ITIH5: variants seen among roughly 807,000 people sequenced by gnomAD.
ITIH5 encodes inter-alpha-trypsin inhibitor heavy chain H5.
Under a neutral mutation model 77.5 loss-of-function variants are expected in ITIH5, and 65 were observed. That is an observed-to-expected ratio of 0.84 (90% confidence interval 0.69 to 1.03). ITIH5 has a LOEUF of 1.03. Ranked by LOEUF, ITIH5 falls within the 50% of genes least tolerant of loss-of-function variation. The pLI, the probability that ITIH5 is intolerant of heterozygous loss-of-function variation, is 0.00. For synonymous variants in ITIH5, 525 were observed against 494.3 expected, an observed-to-expected ratio of 1.06 and a Z score of -0.82; for missense variants, 1,208 against 1,213.1, an observed-to-expected ratio of 1.00 and a Z score of 0.06.
rs1194921887 is a variant in ITIH5, at chr10:7,559,291, T to G, written c.*3792A>C. ...GCAGTGCAGTTAGATTCTTCAAGTT[T>G]TATTCTCAACAGCTCCAATTCCATT... On this transcript the variant is annotated 3_prime_UTR_variant, in exon 14 of 14. Transcript: ENST00000397146. 1 of 152,322 alleles carries G rather than the reference T, an allele frequency of 6.6e-6. No individual in the cohort carries two copies. Among genetic ancestry groups the G allele is most frequent in the Non-Finnish European group, 1.5e-5 (1 of 68,110 alleles). The allele number at this position is 152,322 out of a possible 1,614,324, so 9.4% of individuals were successfully genotyped here.
intron 5 of ITIH5, among the ~76,000 whole-genome samples, chr10:7,634,472 C>T (rs149800829): frequency 5.9e-5 from 9 of 152,222 alleles, no homozygotes; most frequent in African/African-American, 2.2e-4. Flanking sequence ...ATGTTCTGGA[C>T]GGCAAAGTAT....
intron 7 of ITIH5, among the ~76,000 whole-genome samples, chr10:7,592,159 A>C (rs1466695017): frequency 6.6e-6 from 1 of 152,206 alleles, no homozygotes; most frequent in East Asian, 1.9e-4. Flanking sequence ...GTGAGCCACC[A>C]TGCCCAGACA....
At chr10:7,639,385 G>C (rs1453812663) in intron 4 of ITIH5, among the ~76,000 whole-genome samples, 1 of 152,190 alleles carries the variant, frequency 6.6e-6, no homozygotes, top group African/African-American at 2.4e-5. Context: ...GATAAACGTG[G>C]AATTTTGTGC....
At chr10:7,618,481 G>A (rs1483697120) in intron 5 of ITIH5, 1 of 152,044 alleles carries the variant, frequency 6.6e-6, no homozygotes. Context: ...AACTACTCAC[G>A]TTTATAAACC....
intron 11 of ITIH5, chr10:7,571,816 G>C (rs1331714740): frequency 4.5e-6 from 1 of 222,512 alleles, no homozygotes; most frequent in Non-Finnish European, 7.5e-6. Context: ...AAGGAACAAA[G>C]ACAAGAAAAA....
intron 2 of ITIH5, among the ~76,000 whole-genome samples, chr10:7,651,171 A>G (rs552662907): frequency 1.1e-3 from 168 of 148,078 alleles, no homozygotes; most frequent in Non-Finnish European, 1.8e-3. Flanking sequence ...TCCTGGAAAG[A>G]CCGTCCCTCC....
intron 8 of ITIH5, among the ~76,000 whole-genome samples, chr10:7,581,744 T>C (rs866822710): frequency 8.0e-5 from 10 of 125,538 alleles, no homozygotes; most frequent in Admixed American, 7.3e-4. Context: ...TTTTTTTTTT[T>C]AGAGACAGGG....
chr10:7,637,233 C>T lies in ITIH5; in HGVS notation c.647G>A (p.Gly216Glu). ...ACCCAGCACGCAGGACTCACCTTCCCCGCGCCCACTGCCCCTCTGCCTGCT... is the reference window on the plus strand; with the variant it reads ...ACCCAGCACGCAGGACTCACCTTCCTCGCGCCCACTGCCCCTCTGCCTGCT... ...HNSRQRGSGR[G>E]EDDSGPPPST... is the part of the protein sequence containing the mutation. Residue 216 changes from glycine (G) to glutamate (E), a missense_variant, in exon 5 of 14, where the codon GGG becomes GAG. By Grantham distance (98) the Gly-to-Glu change is moderately conservative. Coordinates refer to ENST00000397146, the MANE Select transcript of ITIH5 (RefSeq NM_030569.7). 1.9e-6 allele frequency: 3 copies of T among 1,607,004 alleles called. No individual in the cohort carries two copies. The highest frequency in any genetic ancestry group is 2.5e-6 in the Non-Finnish European group (3 of 1,179,778).
chr10:7,611,701 A>G (rs1399278557), intron 7 of ITIH5, among the ~76,000 whole-genome samples: 3 of 152,154 alleles, frequency 2.0e-5, no homozygotes, highest in Non-Finnish European at 4.4e-5. Flanking sequence ...AGTTCTTTAC[A>G]TATTAATGAT....
chr10:7,617,285 G>A lies in ITIH5; in HGVS notation c.653-3C>T, dbSNP rs1357893102. The A allele has an allele frequency of 2.0e-6, 3 of 1,519,548 alleles. No homozygotes were observed. The highest frequency in any genetic ancestry group is 2.2e-5 in the Admixed American group (1 of 44,554). The allele number at this position is 1,519,548 out of a possible 1,614,324, so 94.1% of individuals were successfully genotyped here. On this transcript the variant is annotated splice_polypyrimidine_tract_variant and splice_region_variant and intron_variant, in intron 5 of 13. Transcript: ENST00000397146. Reference sequence around the variant, plus strand: ...AGATGGGGGAGGCCCAGAATCATCTGCAAACAAGATAGAAACATAATTAAT... The same window carrying A: ...AGATGGGGGAGGCCCAGAATCATCTACAAACAAGATAGAAACATAATTAAT...
intron 2 of ITIH5, among the ~76,000 whole-genome samples, chr10:7,650,035 T>C (rs1481469166): frequency 6.6e-6 from 1 of 152,222 alleles, no homozygotes; most frequent in Non-Finnish European, 1.5e-5. Context: ...TATTTTTTCC[T>C]ACAAAGGCAA....
intron 13 of ITIH5, among the ~76,000 whole-genome samples, chr10:7,564,080 C>G (rs1256503876): frequency 2.6e-5 from 4 of 152,222 alleles, no homozygotes; most frequent in African/African-American, 9.6e-5. Flanking sequence ...CGTGGGTGCC[C>G]CCCCGGTGGG....
rs1183933551 is a variant in ITIH5, at chr10:7,566,316, G to A, written c.2241C>T (p.Leu747=). 22 of 1,613,866 alleles carry A rather than the reference G, an allele frequency of 1.4e-5. No individual in the cohort carries two copies. The highest frequency in any genetic ancestry group is 1.7e-5 in the Non-Finnish European group (20 of 1,179,964). Reference sequence around the variant, plus strand: ...GATAAGATCTCTCTGGCTTGTTGATGAGGATGGTGATAGTGCGCAAGTAAG... The same window carrying A: ...GATAAGATCTCTCTGGCTTGTTGATAAGGATGGTGATAGTGCGCAAGTAAG... ...QRTYLRTITI[L]INKPERSYLE... The change falls in exon 13 of 14, where the codon CTC becomes CTT. Residue 747 remains leucine (L), a synonymous_variant. Transcript: ENST00000397146.
intron 1 of ITIH5, among the ~76,000 whole-genome samples, chr10:7,657,061 T>G (rs1415409512): frequency 2.4e-5 from 3 of 126,554 alleles, no homozygotes; most frequent in African/African-American, 8.8e-5. Flanking sequence ...TTTTTTTTTT[T>G]TTAGACGGAG....
intron 4 of ITIH5, 106 bp downstream of exon 4, chr10:7,640,648 A>G: frequency 1.4e-6 from 1 of 689,708 alleles, no homozygotes; most frequent in South Asian, 1.8e-5. Context: ...AAGAAAGAGA[A>G]AAGTATTTGG....
At position 7,566,367 on chromosome 10, in the gene ITIH5, A is replaced by C. The variant is rs1487870329; in HGVS notation, c.2190T>G (p.Pro730=). ...TGCGCTGTTTCTTGTGGCCATTTGG[A>C]GGGGCGGGTGCCCCAATTAACTCTC... ...VNGELIGAPA[P]PNGHKKQRTY... is the part of the protein sequence containing the mutation. The change falls in exon 13 of 14, where the codon CCT becomes CCG. Residue 730 remains proline (P), a synonymous_variant. Coordinates refer to ENST00000397146, the MANE Select transcript of ITIH5 (RefSeq NM_030569.7). The C allele has an allele frequency of 6.2e-7, 1 of 1,603,118 alleles. No homozygotes were observed. The highest frequency in any genetic ancestry group is 1.1e-5 in the South Asian group (1 of 90,836).
At chr10:7,648,122 G>A (rs185966777) in intron 2 of ITIH5, among the ~76,000 whole-genome samples, 197 of 151,750 alleles carry the variant, frequency 1.3e-3, no homozygotes, top group African/African-American at 4.4e-3. Flanking sequence ...GCATGGTGGC[G>A]GGCACCAGCT....
intron 5 of ITIH5, among the ~76,000 whole-genome samples, chr10:7,636,065 T>C (rs991076892): frequency 4.6e-5 from 7 of 152,186 alleles, no homozygotes; most frequent in Admixed American, 4.6e-4. Context: ...TACTGGTATA[T>C]TAAGTATACA....
Position 7,560,047 on chromosome 10 carries a change from T to C in ITIH5, c.*3036A>G, listed in dbSNP as rs922438268. On this transcript the variant is annotated 3_prime_UTR_variant, in exon 14 of 14. Coordinates refer to ENST00000397146, the MANE Select transcript of ITIH5 (RefSeq NM_030569.7). ...TTGTATTTTTAGTAGAGACGAGGTT[T>C]CACCATGTTGGCCAGGATGGTCTCC... 14 of 337,868 alleles carry C rather than the reference T, an allele frequency of 4.1e-5. No homozygotes were observed. Among genetic ancestry groups the C allele is most frequent in the Non-Finnish European group, 6.9e-5 (12 of 173,958 alleles). 20.9% of individuals were successfully genotyped at this position (337,868 alleles called of 1,614,324 possible).
Sources: gnomAD v4.1 joint callset for allele counts (sites outside exome capture counted in the v4.1 genomes callset) on GRCh38, gnomAD v4.1.1 for gene constraint, MANE v1.5 for transcripts, NCBI Gene and HGNC (gene_info 2026-07-23, HGNC 2026-07-21) for gene names.